The following CTNNA2 variants were observed in gnomAD, a reference collection of about 807,000 sequenced individuals.
CTNNA2 encodes catenin alpha-2.
A neutral mutation model predicts 101.0 loss-of-function variants in CTNNA2; 42 were observed. That is an observed-to-expected ratio of 0.42 (90% confidence interval 0.32 to 0.54). CTNNA2 has a LOEUF of 0.54. Ranked by LOEUF, CTNNA2 falls within the 20% of genes least tolerant of loss-of-function variation. CTNNA2 has a pLI of 0.14. For missense variants in CTNNA2, 871 were observed against 1,223.1 expected, an observed-to-expected ratio of 0.71 and a Z score of 4.29; for synonymous variants, 450 against 456.4, an observed-to-expected ratio of 0.99 and a Z score of 0.18.
chr2:79,341,144 T>G (rs1677128287), intron 3 of CTNNA2, among the ~76,000 whole-genome samples: 1 of 151,998 alleles, frequency 6.6e-6, no homozygotes, highest in South Asian at 2.1e-4. Flanking sequence ...GGTGAGTGAG[T>G]TAGGAACCCA....
intron 7 of CTNNA2, among the ~76,000 whole-genome samples, chr2:80,090,164 GTGTGTGTGTGTGTGT>G (rs1357008652): frequency 5.0e-4 from 50 of 99,118 alleles, no homozygotes; most frequent in Non-Finnish European, 4.0e-5. Context: ...GTGTGTGTGT[GTGTGTGTGTGTGTGT>G]GTGTGTGTGT....
chr2:80,474,303 T>C (rs1372342027), intron 9 of CTNNA2, among the ~76,000 whole-genome samples: 1 of 152,196 alleles, frequency 6.6e-6, no homozygotes, highest in Non-Finnish European at 1.5e-5. Flanking sequence ...GAGATTTTGC[T>C]GCTTTGCCCT....
chr2:79,524,532 C>T (rs1443726274), intron 1 of CTNNA2: 1 of 151,324 alleles, frequency 6.6e-6, no homozygotes, highest in African/African-American at 2.4e-5. Context: ...TAAATACACA[C>T]AAACACACAC....
chr2:80,633,222 T>C (rs538563345), intron 18 of CTNNA2, among the ~76,000 whole-genome samples: 3 of 152,194 alleles, frequency 2.0e-5, no homozygotes, highest in Admixed American at 2.0e-4. Flanking sequence ...TTTAAAAGTT[T>C]TTAAATTTTT....
intron 7 of CTNNA2, among the ~76,000 whole-genome samples, chr2:80,133,518 T>C (rs993995486): frequency 6.6e-6 from 1 of 152,080 alleles, no homozygotes; most frequent in South Asian, 2.1e-4. Flanking sequence ...CAAATGTATA[T>C]AGAGTAAAGG....
intron 3 of CTNNA2, among the ~76,000 whole-genome samples, chr2:79,834,548 A>C (rs1168445288): frequency 2.0e-5 from 3 of 151,760 alleles, no homozygotes; most frequent in Non-Finnish European, 4.4e-5. Flanking sequence ...TGGGTTTGCT[A>C]TTTTCTTTGT....
chr2:79,808,077 G>A (rs972800064), intron 3 of CTNNA2, among the ~76,000 whole-genome samples: 1 of 152,130 alleles, frequency 6.6e-6, no homozygotes, highest in Admixed American at 6.6e-5. Flanking sequence ...GTAAAACGTA[G>A]TATTTATAAT....
chr2:79,234,750 T>G (rs1674535476), intron 2 of CTNNA2, among the ~76,000 whole-genome samples: 1 of 152,188 alleles, frequency 6.6e-6, no homozygotes, highest in African/African-American at 2.4e-5. Flanking sequence ...TTCCTTATAT[T>G]TGTATGAGAG....
intron 3 of CTNNA2, chr2:79,319,619 CA>C (rs1290863564): frequency 6.6e-6 from 1 of 151,580 alleles, no homozygotes; most frequent in Non-Finnish European, 1.5e-5. Context: ...GATAAATCAC[CA>C]AAAATGAGAA....
chr2:79,447,345 G>GA (rs1678845007), intron 4 of CTNNA2, among the ~76,000 whole-genome samples: 1 of 151,702 alleles, frequency 6.6e-6, no homozygotes, highest in Non-Finnish European at 1.5e-5. Context: ...TTTTTTCCAG[G>GA]AAAAAAATCG....
rs575271841 is a variant in CTNNA2 at position 79,720,092 on chromosome 2, A to G, written c.103-24295A>G. ...GTATGTGGTGAAAGGTGAGAGTCCAATTTCATTCTTTTGCATATGGCTAGC... is the reference window on the plus strand; with the variant it reads ...GTATGTGGTGAAAGGTGAGAGTCCAGTTTCATTCTTTTGCATATGGCTAGC... On this transcript the variant is annotated intron_variant, in intron 2 of 18. Coordinates refer to ENST00000402739, the MANE Select transcript of CTNNA2 (RefSeq NM_001282597.3). 2.0e-4 allele frequency among the ~76,000 whole-genome samples: 31 copies of G among 152,120 alleles called. No individual in the cohort carries two copies. In the South Asian group the frequency reaches 5.6e-3, roughly 27 times the overall value.
chr2:80,557,938 T>G (rs920048839), intron 12 of CTNNA2, among the ~76,000 whole-genome samples: 2 of 152,176 alleles, frequency 1.3e-5, no homozygotes, highest in African/African-American at 4.8e-5. Context: ...TTTTTACAAT[T>G]TTTATCCTGG....
intron 1 of CTNNA2, among the ~76,000 whole-genome samples, chr2:79,585,045 A>C (rs938021518): frequency 3.3e-5 from 5 of 152,178 alleles, no homozygotes; most frequent in South Asian, 4.1e-4. Context: ...CTGGTGTTCA[A>C]ATATCTTCCT....
At chr2:79,479,355 C>G (rs1312223758) in intron 4 of CTNNA2, among the ~76,000 whole-genome samples, 3 of 152,200 alleles carry the variant, frequency 2.0e-5, no homozygotes, top group African/African-American at 7.2e-5. Context: ...CCCTCTTTGA[C>G]TCAATGTGAA....
At chr2:79,538,749 A>G (rs1014847067) in intron 1 of CTNNA2, among the ~76,000 whole-genome samples, 3 of 152,224 alleles carry the variant, frequency 2.0e-5, no homozygotes, top group Non-Finnish European at 2.9e-5. Context: ...AACAGATTTT[A>G]TATGGTCTTA....
At chr2:79,555,703 A>T (rs1296466588) in intron 1 of CTNNA2, among the ~76,000 whole-genome samples, 3 of 152,050 alleles carry the variant, frequency 2.0e-5, no homozygotes, top group Non-Finnish European at 4.4e-5. Flanking sequence ...TCACATTAGG[A>T]TTTACCAAGG....
chr2:80,181,224 G>A lies in CTNNA2; in HGVS notation c.1057-211987G>A, dbSNP rs541063931. On this transcript the variant is annotated intron_variant, in intron 7 of 18. Coordinates refer to ENST00000402739, the MANE Select transcript of CTNNA2 (RefSeq NM_001282597.3). ...GTCTTGCCTAGCAACTGCCTCAGGG[G>A]AGGCCATCACTGTTGTCTCAGGCAG... Among the ~76,000 whole-genome samples, 125 of 152,248 alleles carry A rather than the reference G, an allele frequency of 8.2e-4. 1 individual carries two copies. Among genetic ancestry groups the A allele is most frequent in the African/African-American group, 2.7e-3 (112 of 41,550 alleles).
At chr2:80,261,354 A>G (rs979300555) in intron 7 of CTNNA2, among the ~76,000 whole-genome samples, 6 of 151,920 alleles carry the variant, frequency 3.9e-5, no homozygotes, top group African/African-American at 1.5e-4. Context: ...AAGTTTATTG[A>G]CTTCTGCTTG....
chr2:79,296,878 T>C (rs1418097652), intron 2 of CTNNA2, among the ~76,000 whole-genome samples: 1 of 152,114 alleles, frequency 6.6e-6, no homozygotes, highest in Non-Finnish European at 1.5e-5. Flanking sequence ...GTTTCTGCCT[T>C]CTGTTTTGTC....
Sources: allele counts gnomAD v4.1 joint callset (sites outside exome capture counted in the v4.1 genomes callset), GRCh38; gene constraint gnomAD v4.1.1; transcripts MANE v1.5; gene names NCBI Gene and HGNC (gene_info 2026-07-23, HGNC 2026-07-21).